The following ASCC3 variants were observed in gnomAD, a reference collection of about 807,000 sequenced individuals.
The protein encoded by ASCC3 is activating signal cointegrator 1 complex subunit 3.
ASCC3 carries 158 observed loss-of-function variants against 256.3 expected under a neutral mutation model. The observed-to-expected ratio is 0.62, with a 90% confidence interval of 0.54 to 0.70. ASCC3 has a LOEUF of 0.70. ASCC3 is among the 30% of genes least tolerant of loss of function. The probability of loss-of-function intolerance (pLI) is 0.00; values close to 1 mark genes in which losing one functional copy is unlikely to be tolerated. For missense variants in ASCC3, 2,259 were observed against 2,626.0 expected (o/e 0.86, Z 3.05); for synonymous variants, 948 against 883.4 (o/e 1.07, Z -1.30).
intron 10 of ASCC3, among the ~76,000 whole-genome samples, chr6:100,754,477 T>C (rs569799130): frequency 1.3e-5 from 2 of 152,280 alleles, no homozygotes; most frequent in East Asian, 3.9e-4. Flanking sequence ...ACAATCCAAT[T>C]ATACTTTTAC....
intron 8 of ASCC3, among the ~76,000 whole-genome samples, chr6:100,769,962 A>C (rs1189484299): frequency 1.3e-5 from 2 of 151,956 alleles, no homozygotes; most frequent in Non-Finnish European, 2.9e-5. Flanking sequence ...ATTTCCACAA[A>C]AAAACCTCCA....
chr6:100,627,589 C>T lies in ASCC3; in HGVS notation c.4642+1G>A. 4 of 1,613,212 alleles carry T rather than the reference C, an allele frequency of 2.5e-6. No homozygotes were observed. Among genetic ancestry groups the T allele is most frequent in the Non-Finnish European group, 3.4e-6 (4 of 1,179,556 alleles). On this transcript the variant is annotated splice_donor_variant, in intron 29 of 41. Coordinates refer to ENST00000369162, the MANE Select transcript of ASCC3 (RefSeq NM_006828.4). LOFTEE classifies it high-confidence loss of function. ...TTTTATTCCAAGAATCTGAAGCTTA[C>T]CCTGAAATGCAGGCTTGTTCATACT...
At chr6:100,775,075 T>C (rs1782122397) in intron 8 of ASCC3, among the ~76,000 whole-genome samples, 1 of 152,098 alleles carries the variant, frequency 6.6e-6, no homozygotes, top group Admixed American at 6.6e-5. Context: ...TCTTCACTCA[T>C]TTACCAAGTT....
At chr6:100,770,830 T>G (rs2115141347) in intron 8 of ASCC3, among the ~76,000 whole-genome samples, 1 of 144,356 alleles carries the variant, frequency 6.9e-6, no homozygotes, top group South Asian at 2.3e-4. Context: ...AAAGATAAAA[T>G]TCTTAAGATG....
At chr6:100,652,049 G>A (rs2114913230) in intron 18 of ASCC3, among the ~76,000 whole-genome samples, 1 of 152,076 alleles carries the variant, frequency 6.6e-6, no homozygotes, top group East Asian at 1.9e-4. Context: ...TAGAAAATAT[G>A]TAGTCTGAAA....
chr6:100,726,863 C>A (rs1395943766), intron 10 of ASCC3, among the ~76,000 whole-genome samples: 4 of 152,026 alleles, frequency 2.6e-5, no homozygotes, highest in African/African-American at 9.7e-5. Flanking sequence ...TCTCTCAGTA[C>A]ATGTACTTAA....
chr6:100,637,385 C>T (rs1040609459), intron 25 of ASCC3, among the ~76,000 whole-genome samples: 8 of 152,122 alleles, frequency 5.3e-5, no homozygotes, highest in Admixed American at 1.3e-4. Flanking sequence ...CAAAATGTGA[C>T]GCTCATTGAC....
At chr6:100,653,749 T>C (rs1249838802) in intron 17 of ASCC3, among the ~76,000 whole-genome samples, 1 of 152,036 alleles carries the variant, frequency 6.6e-6, no homozygotes, top group African/African-American at 2.4e-5. Flanking sequence ...TTTGTATAGT[T>C]TTAAAACTAT....
At chr6:100,602,503 C>T (rs561575243) in intron 33 of ASCC3, among the ~76,000 whole-genome samples, 38 of 151,572 alleles carry the variant, frequency 2.5e-4, no homozygotes, top group Middle Eastern at 3.4e-3. Flanking sequence ...AGGACAGCCA[C>T]GAGAGGTAGA....
At chr6:100,797,790 T>A (rs1250606747) in intron 8 of ASCC3, among the ~76,000 whole-genome samples, 1 of 152,140 alleles carries the variant, frequency 6.6e-6, no homozygotes, top group Non-Finnish European at 1.5e-5. Context: ...TATTCTACTC[T>A]AAGAACTTAT....
Position 100,548,119 on chromosome 6 carries a change from C to G in ASCC3, c.5551-7732G>C, listed in dbSNP as rs551431846. ...GAAAATGCAAATGAATCTATAGGAA[C>G]AGCAAACAGATTACTAGCTACCTAG... is the stretch of plus-strand genomic sequence containing the variant. On this transcript the variant is annotated intron_variant, in intron 36 of 41. Transcript: ENST00000369162. Among the ~76,000 whole-genome samples the G allele has an allele frequency of 2.7e-5, 4 of 150,904 alleles. No individual in the cohort carries two copies. In the East Asian group the frequency reaches 7.8e-4, roughly 29 times the overall value.
chr6:100,571,542 A>G (rs910174107), intron 36 of ASCC3, among the ~76,000 whole-genome samples: 1 of 152,210 alleles, frequency 6.6e-6, no homozygotes, highest in Non-Finnish European at 1.5e-5. Context: ...TAAGTGCTCA[A>G]TAAATATTAT....
intron 1 of ASCC3, among the ~76,000 whole-genome samples, chr6:100,877,350 A>C (rs1017935078): frequency 5.9e-5 from 9 of 152,206 alleles, no homozygotes; most frequent in African/African-American, 2.2e-4. Context: ...TTCAGTACTT[A>C]AAATAGAATC....
At chr6:100,707,890 C>T (rs553804341) in intron 13 of ASCC3, among the ~76,000 whole-genome samples, 1 of 152,190 alleles carries the variant, frequency 6.6e-6, no homozygotes, top group South Asian at 2.1e-4. Flanking sequence ...GGTTCTAAAT[C>T]TCTTTGTGCA....
intron 17 of ASCC3, among the ~76,000 whole-genome samples, chr6:100,654,799 T>C (rs1035368504): frequency 2.0e-5 from 3 of 151,930 alleles, no homozygotes; most frequent in African/African-American, 7.2e-5. Flanking sequence ...GCTTTTCTTA[T>C]TTTTCCTCCC....
intron 15 of ASCC3, 70 bp downstream of exon 15, chr6:100,662,275 T>C (rs1776262812): frequency 1.4e-6 from 2 of 1,474,252 alleles, no homozygotes; most frequent in East Asian, 2.3e-5. Flanking sequence ...TATTTTTCTA[T>C]GTAAGTCAAC....
At chr6:100,530,694 C>G in intron 37 of ASCC3, 1 of 915,752 alleles carries the variant, frequency 1.1e-6, no homozygotes, top group Non-Finnish European at 1.8e-6. Flanking sequence ...ACTAAAGGCC[C>G]AGATACCCAA....
intron 36 of ASCC3, among the ~76,000 whole-genome samples, chr6:100,566,566 C>T (rs1770261633): frequency 6.6e-6 from 1 of 152,158 alleles, no homozygotes; most frequent in Non-Finnish European, 1.5e-5. Flanking sequence ...CAACAGCAAC[C>T]TCCTTATATC....
chr6:100,797,489 A>C (rs12190852), intron 8 of ASCC3, among the ~76,000 whole-genome samples: 33 of 149,122 alleles, frequency 2.2e-4, no homozygotes, highest in Admixed American at 4.0e-4. Flanking sequence ...AAAAAAAAAA[A>C]AAACTTAAAA....
Sources: allele counts gnomAD v4.1 joint callset (sites outside exome capture counted in the v4.1 genomes callset), GRCh38; gene constraint gnomAD v4.1.1; transcripts MANE v1.5; gene names NCBI Gene and HGNC (gene_info 2026-07-23, HGNC 2026-07-21).